The following ME3 variants were observed in gnomAD, a reference collection of about 807,000 sequenced individuals.
ME3 encodes malic enzyme 3.
A neutral mutation model predicts 68.9 loss-of-function variants in ME3; 48 were observed. That is an observed-to-expected ratio of 0.70 (90% confidence interval 0.55 to 0.89). The LOEUF is 0.89. ME3 is among the 40% of genes least tolerant of loss of function. The pLI is 0.00. For synonymous variants in ME3, 320 were observed against 318.8 expected, an observed-to-expected ratio of 1.00 and a Z score of -0.04; for missense variants, 675 against 797.4, an observed-to-expected ratio of 0.85 and a Z score of 1.85.
chr11:86,479,926 T>C (rs1951301649), intron 7 of ME3, among the ~76,000 whole-genome samples: 1 of 152,120 alleles, frequency 6.6e-6, no homozygotes. Context: ...GCAATTCTCA[T>C]GCCTCAGCCT....
intron 7 of ME3, among the ~76,000 whole-genome samples, chr11:86,474,113 T>C (rs1395303425): frequency 2.0e-5 from 3 of 152,182 alleles, no homozygotes; most frequent in African/African-American, 7.2e-5. Context: ...GGTGGACCTC[T>C]GAGGCCCTTC....
At chr11:86,558,849 A>G (rs1194406432) in intron 3 of ME3, among the ~76,000 whole-genome samples, 1 of 152,194 alleles carries the variant, frequency 6.6e-6, no homozygotes, top group East Asian at 1.9e-4. Context: ...TATGGTACTC[A>G]TCGTACCAAT....
chr11:86,593,147 C>T (rs776573409), intron 2 of ME3, among the ~76,000 whole-genome samples: 1 of 152,198 alleles, frequency 6.6e-6, no homozygotes, highest in African/African-American at 2.4e-5. Flanking sequence ...TTATAGTTCA[C>T]TGTTACCCTG....
chr11:86,615,205 G>A (rs890319199), intron 2 of ME3, among the ~76,000 whole-genome samples: 1 of 152,088 alleles, frequency 6.6e-6, no homozygotes, highest in Non-Finnish European at 1.5e-5. Flanking sequence ...TTTTTTCAAG[G>A]CCACAATTTG....
At chr11:86,530,349 G>T (rs1166037962) in intron 4 of ME3, among the ~76,000 whole-genome samples, 1 of 151,998 alleles carries the variant, frequency 6.6e-6, no homozygotes, top group African/African-American at 2.4e-5. Context: ...AAATAAAAGA[G>T]GATACAAAAA....
chr11:86,459,457 T>C (rs886118512), intron 8 of ME3, among the ~76,000 whole-genome samples: 1 of 152,214 alleles, frequency 6.6e-6, no homozygotes, highest in African/African-American at 2.4e-5. Flanking sequence ...TGAGTACTGC[T>C]ACATGCCTGT....
intron 2 of ME3, among the ~76,000 whole-genome samples, chr11:86,614,979 G>A (rs1942853702): frequency 6.6e-6 from 1 of 152,050 alleles, no homozygotes; most frequent in Non-Finnish European, 1.5e-5. Context: ...CGACTTTTAG[G>A]GTTTTTGGCC....
intron 2 of ME3, among the ~76,000 whole-genome samples, chr11:86,651,636 A>G (rs1945437835): frequency 6.6e-6 from 1 of 152,240 alleles, no homozygotes; most frequent in Non-Finnish European, 1.5e-5. Context: ...AAAACCACAA[A>G]GATGGGGAAA....
chr11:86,526,401 C>A (rs642278), intron 4 of ME3, among the ~76,000 whole-genome samples: 3 of 152,032 alleles, frequency 2.0e-5, no homozygotes, highest in Non-Finnish European at 2.9e-5. Context: ...CCACTGCAGC[C>A]CAAGGAGGCC....
At chr11:86,464,234 G>A (rs1950366617) in intron 8 of ME3, 11 of 337,352 alleles carry the variant, frequency 3.3e-5, no homozygotes, top group South Asian at 2.6e-4. Flanking sequence ...TTAAAAGATT[G>A]CTTGGCAAAC....
intron 2 of ME3, among the ~76,000 whole-genome samples, chr11:86,659,769 C>G (rs688079): frequency 0.99 from 150,165 of 152,336 alleles, 74,040 homozygotes; most frequent in Non-Finnish European, 1. Flanking sequence ...CTCTTAACTT[C>G]CTGTCTCACT....
chr11:86,513,986 C>T (rs762451847), intron 4 of ME3, among the ~76,000 whole-genome samples: 1 of 152,044 alleles, frequency 6.6e-6, no homozygotes, highest in South Asian at 2.1e-4. Context: ...GTAATCCCCA[C>T]GTGTGAAGGG....
chr11:86,479,718 A>G (rs1012326412), intron 7 of ME3, among the ~76,000 whole-genome samples: 2 of 152,150 alleles, frequency 1.3e-5, no homozygotes, highest in African/African-American at 4.8e-5. Flanking sequence ...GTCAACACCA[A>G]ATAGTTGGGT....
intron 7 of ME3, among the ~76,000 whole-genome samples, chr11:86,471,847 A>G (rs1434010633): frequency 6.6e-6 from 1 of 152,228 alleles, no homozygotes; most frequent in Non-Finnish European, 1.5e-5. Context: ...TCTACTATGA[A>G]CAAGGGACTG....
At chr11:86,650,973 A>G (rs1367734340) in intron 2 of ME3, among the ~76,000 whole-genome samples, 2 of 152,198 alleles carry the variant, frequency 1.3e-5, no homozygotes, top group Non-Finnish European at 2.9e-5. Context: ...GGAGGGTCCT[A>G]CGCCCACAGA....
intron 2 of ME3, among the ~76,000 whole-genome samples, chr11:86,625,150 C>T (rs914202677): frequency 5.3e-5 from 8 of 151,922 alleles, no homozygotes; most frequent in South Asian, 4.2e-4. Context: ...ATATAGAATA[C>T]AAAATAGAAG....
At chr11:86,504,749 C>T (rs1417152878) in intron 5 of ME3, among the ~76,000 whole-genome samples, 1 of 151,920 alleles carries the variant, frequency 6.6e-6, no homozygotes, top group African/African-American at 2.4e-5. Context: ...GGCTGGAGTA[C>T]AGTGGCACAA....
rs76492439 is a variant in ME3, at chr11:86,519,073, G to A, written c.468-10206C>T. Among the ~76,000 whole-genome samples the A allele has an allele frequency of 9.0e-3, 1,378 of 152,266 alleles. 27 individuals are homozygous for A. The highest frequency in any genetic ancestry group is 0.031 in the African/African-American group (1,290 of 41,548). ...TCTGTTGTTTTAAGCCATCCAATTTGTAGTATTTTGTTACATACAGTAGCC... is the reference window on the plus strand; with the variant it reads ...TCTGTTGTTTTAAGCCATCCAATTTATAGTATTTTGTTACATACAGTAGCC... On this transcript the variant is annotated intron_variant, in intron 4 of 14. Coordinates refer to ENST00000543262, the Ensembl canonical transcript of ME3.
At chr11:86,438,195 G>GT (rs1224485485), downstream of ME3, among the ~76,000 whole-genome samples, 6 of 151,730 alleles carry the variant, frequency 4.0e-5, no homozygotes, top group African/African-American at 1.5e-4. Context: ...ATGGGCGTTG[G>GT]TTTTTTTCAA....
Sources: gnomAD v4.1 joint callset for allele counts (sites outside exome capture counted in the v4.1 genomes callset) on GRCh38, gnomAD v4.1.1 for gene constraint, MANE v1.5 for transcripts, NCBI Gene and HGNC (gene_info 2026-07-23, HGNC 2026-07-21) for gene names.